The following MTO1 variants were observed in gnomAD, a reference collection of about 807,000 sequenced individuals.
MTO1 encodes mitochondrial tRNA translation optimization 1.
Under a neutral mutation model 71.6 loss-of-function variants are expected in MTO1, and 46 were observed. The observed-to-expected ratio is 0.64, with a 90% CI of 0.51 to 0.82. The LOEUF (loss-of-function observed/expected upper bound fraction) is 0.82. Ranked by LOEUF, MTO1 falls within the 40% of genes least tolerant of loss-of-function variation. The pLI is 0.00. For missense variants in MTO1, 773 were observed against 867.5 expected, an observed-to-expected ratio of 0.89 and a Z score of 1.37; for synonymous variants, 297 against 312.1, an observed-to-expected ratio of 0.95 and a Z score of 0.51.
At position 73,508,357 on chromosome 6, in the gene MTO1, T is replaced by C. The variant is rs907036220; in HGVS notation, c.*7622T>C. On this transcript the variant is annotated 3_prime_UTR_variant, in exon 12 of 12. Coordinates refer to ENST00000498286, the MANE Select transcript of MTO1 (RefSeq NM_012123.4). The stretch of plus-strand genomic sequence containing the variant: ...GTTGGTTGCTTTTAGAATTCTCTTT[T>C]AGAGTTGGTCTACATCCTTTTAAAA... 6.6e-6 allele frequency: 1 copy of C among 152,226 alleles called. No homozygotes were observed. The highest frequency in any genetic ancestry group is 6.5e-5 in the Admixed American group (1 of 15,272). The allele number at this position is 152,226 out of a possible 1,614,324, so 9.4% of individuals were successfully genotyped here. A position where few individuals can be genotyped will look rare whatever the true frequency, so the allele number is the denominator to read the frequency against.
chr6:73,481,666 G>A (rs925984811), intron 7 of MTO1, among the ~76,000 whole-genome samples: 1 of 152,034 alleles, frequency 6.6e-6, no homozygotes, highest in Admixed American at 6.6e-5. Flanking sequence ...TACTTGGGGG[G>A]ATGAGGTGGG....
rs139048664 is a variant in MTO1, at chr6:73,481,991, C to T, written c.1261-49C>T. 2.6e-4 allele frequency: 412 copies of T among 1,596,380 alleles called. 2 individuals are homozygous for T. The highest frequency in any genetic ancestry group is 3.3e-5 in the South Asian group (3 of 90,678). On this transcript the variant is annotated intron_variant, in intron 7 of 11. Transcript: ENST00000498286. ...TGAGTAGTGTTCTGAATGGGATAGC[C>T]GTTTGTTTAGTTCATAATGGCCTTT...
Position 73,502,303 on chromosome 6 carries a change from G to A in MTO1, c.*1568G>A, listed in dbSNP as rs987901679. ...CACTAAAAATACCAAAATTAGCCAG[G>A]CGTGGTGGAGCAAGCCTGTAGTCCC... On this transcript the variant is annotated 3_prime_UTR_variant, in exon 12 of 12. Transcript: ENST00000498286. 2 of 152,206 alleles carry A rather than the reference G, an allele frequency of 1.3e-5. No individual in the cohort carries two copies. The highest frequency in any genetic ancestry group is 4.8e-5 in the African/African-American group (2 of 41,424). The allele number at this position is 152,206 out of a possible 1,614,324, so 9.4% of individuals were successfully genotyped here.
intron 3 of MTO1, among the ~76,000 whole-genome samples, chr6:73,472,326 A>G (rs1295601917): frequency 6.6e-6 from 1 of 151,848 alleles, no homozygotes; most frequent in African/African-American, 2.4e-5. Context: ...TTATTCCCCT[A>G]TTTAATTTTC....
Position 73,482,506 on chromosome 6 carries a change from A to C in MTO1, c.1523A>C (p.Lys508Thr), listed in dbSNP as rs1193474978. Residue 508 changes from lysine to threonine, a missense_variant, in exon 9 of 12, where the codon AAG (lysine) becomes ACG (threonine). Transcript: ENST00000498286. ...CGATATGAAAGAGCTTGTTGGATGA[A>C]GTCTTCTTTAGAAGAAGGCATTTCT... is the stretch of plus-strand genomic sequence containing the variant. ...QQRYERACWMKSSLEEGISVL... is the reference protein window; with the variant it reads ...QQRYERACWMTSSLEEGISVL... 7 of 1,613,226 alleles carry C rather than the reference A, an allele frequency of 4.3e-6. No individual in the cohort carries two copies. The highest frequency in any genetic ancestry group is 2.2e-5 in the South Asian group (2 of 91,058).
intron 7 of MTO1, chr6:73,481,042 T>C: frequency 2.2e-6 from 1 of 462,348 alleles, no homozygotes; most frequent in Non-Finnish European, 3.9e-6. Context: ...TGATATGATC[T>C]CCCAGCTTCA....
At chr6:73,497,278 G>A (rs918512118) in intron 10 of MTO1, among the ~76,000 whole-genome samples, 5 of 147,582 alleles carry the variant, frequency 3.4e-5, no homozygotes, top group Admixed American at 7.0e-5. Context: ...TCAGCCTCCC[G>A]AGTAGCTGGG....
At position 73,502,444 on chromosome 6, in the gene MTO1, A is replaced by AAAAAAG. The variant is rs1219340416; in HGVS notation, c.*1720_*1725dup. On this transcript the variant is annotated 3_prime_UTR_variant, in exon 12 of 12. Transcript: ENST00000498286. The stretch of plus-strand genomic sequence containing the variant: ...GGGCGACAGAGTGAGACTGTTTCAA[A>AAAAAAG]AAAAAGAAAAAGAAAAGAAGGTATT... 1.3e-5 allele frequency: 2 copies of AAAAAAG among 151,832 alleles called. No individual in the cohort carries two copies. The highest frequency in any genetic ancestry group is 2.1e-4 in the South Asian group (1 of 4,814). 9.4% of individuals were successfully genotyped at this position (151,832 alleles called of 1,614,324 possible). A position where few individuals can be genotyped will look rare whatever the true frequency, so the allele number is the denominator to read the frequency against.
At chr6:73,499,612 T>A (rs1186690698) in intron 11 of MTO1, among the ~76,000 whole-genome samples, 3 of 152,118 alleles carry the variant, frequency 2.0e-5, no homozygotes, top group Non-Finnish European at 4.4e-5. Context: ...TAGCCACATA[T>A]GACTAGTGGC....
At chr6:73,471,815 A>G (rs1456798818) in intron 3 of MTO1, 1 of 159,718 alleles carries the variant, frequency 6.3e-6, no homozygotes, top group East Asian at 1.9e-4. Context: ...TACAAACCAT[A>G]AAATGTACCA....
chr6:73,492,243 T>A lies in MTO1; in HGVS notation c.1647T>A (p.Asp549Glu). ...TTTCATATATTTGCAGAGCTCTCGA[T>A]GTTCTGAAGTATGAGGAAGTTGACA... is the stretch of plus-strand genomic sequence containing the variant. ...TSRSLPVRAL[D>E]VLKYEEVDMD... The change falls in exon 10 of 12, where the codon GAT becomes GAA. Residue 549 changes from aspartate to glutamate, a missense_variant. Transcript: ENST00000498286. The A allele has an allele frequency of 1.2e-6, 2 of 1,609,678 alleles. No homozygotes were observed. The highest frequency in any genetic ancestry group is 1.7e-6 in the Non-Finnish European group (2 of 1,176,042).
intron 3 of MTO1, among the ~76,000 whole-genome samples, chr6:73,467,157 A>G (rs1281456341): frequency 1.3e-5 from 2 of 151,978 alleles, no homozygotes; most frequent in African/African-American, 4.8e-5. Flanking sequence ...CTACAAAAAA[A>G]TACAAAAATT....
At chr6:73,493,350 A>ATGTGTGTG (rs1169202264) in intron 10 of MTO1, among the ~76,000 whole-genome samples, 113 of 46,420 alleles carry the variant, frequency 2.4e-3, no homozygotes, top group South Asian at 6.4e-3. Context: ...TGAAATGTGC[A>ATGTGTGTG]TGTATGTGTG....
intron 7 of MTO1, chr6:73,481,222 G>T (rs571920012): frequency 2.9e-4 from 55 of 192,096 alleles, no homozygotes; most frequent in Admixed American, 5.2e-4. Context: ...CCAAAGTGCT[G>T]GGATTACAGG....
intron 3 of MTO1, among the ~76,000 whole-genome samples, chr6:73,472,272 A>C (rs927811873): frequency 7.9e-5 from 12 of 152,060 alleles, no homozygotes; most frequent in African/African-American, 2.9e-4. Flanking sequence ...TCATCTTCTG[A>C]CTGGTTCTTT....
At chr6:73,463,802 G>T (rs557410023) in intron 1 of MTO1, among the ~76,000 whole-genome samples, 2 of 151,914 alleles carry the variant, frequency 1.3e-5, no homozygotes, top group Non-Finnish European at 1.5e-5. Flanking sequence ...ATGCAGTGGC[G>T]CGATCTTGGC....
intron 3 of MTO1, among the ~76,000 whole-genome samples, chr6:73,470,481 C>T (rs919904910): frequency 6.6e-6 from 1 of 152,072 alleles, no homozygotes; most frequent in African/African-American, 2.4e-5. Context: ...GCTGGGATTA[C>T]AGGCATGAGC....
chr6:73,481,828 C>T (rs543668498), intron 7 of MTO1, among the ~76,000 whole-genome samples: 4 of 152,174 alleles, frequency 2.6e-5, no homozygotes, highest in South Asian at 4.2e-4. Context: ...AGATGGATAT[C>T]TCTGAAAACA....
At chr6:73,465,433 G>A (rs1366487202) in intron 1 of MTO1, among the ~76,000 whole-genome samples, 2 of 151,862 alleles carry the variant, frequency 1.3e-5, no homozygotes, top group East Asian at 3.9e-4. Flanking sequence ...CAAAGTGCTA[G>A]GATTACAGGC....
Sources: allele counts gnomAD v4.1 joint callset (sites outside exome capture counted in the v4.1 genomes callset), GRCh38; gene constraint gnomAD v4.1.1; transcripts MANE v1.5; gene names NCBI Gene and HGNC (gene_info 2026-07-23, HGNC 2026-07-21).